PPARGC1A: variants seen among roughly 807,000 people sequenced by gnomAD.
PPARGC1A encodes the protein peroxisome proliferator-activated receptor gamma coactivator 1-alpha.
In PPARGC1A, 25 loss-of-function variants were observed where a neutral mutation model predicts 88.7. The ratio of observed to expected loss-of-function variants is 0.28; its 90% CI spans 0.21 to 0.39. PPARGC1A has a LOEUF of 0.39. PPARGC1A is among the 10% of genes least tolerant of loss of function. PPARGC1A has a pLI of 1.00. For synonymous variants in PPARGC1A, 363 were observed against 355.6 expected, an observed-to-expected ratio of 1.02 and a Z score of -0.24; for missense variants, 880 against 968.7, an observed-to-expected ratio of 0.91 and a Z score of 1.22.
intron 7 of PPARGC1A, among the ~76,000 whole-genome samples, chr4:23,823,542 C>T (rs1441422064): frequency 2.6e-5 from 4 of 152,004 alleles, no homozygotes; most frequent in Non-Finnish European, 5.9e-5. Flanking sequence ...GCCTCTACTG[C>T]ATATCATATA....
At chr4:24,429,171 G>A in the PPARGC1A span, among the ~76,000 whole-genome samples, 1 of 152,188 alleles carries the variant, frequency 6.6e-6, no homozygotes, top group Non-Finnish European at 1.5e-5. Flanking sequence ...TGAGCTGTGT[G>A]CGTGTGTACA....
chr4:24,347,507 T>A, the PPARGC1A span, among the ~76,000 whole-genome samples: 1 of 152,358 alleles, frequency 6.6e-6, no homozygotes, highest in East Asian at 1.9e-4. Context: ...CATTATATAC[T>A]GTCCCTCTTT....
At chr4:24,159,509 G>A in the PPARGC1A span, among the ~76,000 whole-genome samples, 1 of 152,106 alleles carries the variant, frequency 6.6e-6, no homozygotes, top group Admixed American at 6.6e-5. Context: ...GCGCCCGGCC[G>A]AGATTAAGTA....
chr4:23,837,759 C>T (rs1726286972), intron 2 of PPARGC1A, among the ~76,000 whole-genome samples: 2 of 152,156 alleles, frequency 1.3e-5, no homozygotes, highest in Non-Finnish European at 2.9e-5. Flanking sequence ...CTAGGCCCCA[C>T]CAGGACTTCA....
chr4:24,466,764 A>T, the PPARGC1A span, among the ~76,000 whole-genome samples: 3 of 151,356 alleles, frequency 2.0e-5, no homozygotes, highest in African/African-American at 4.9e-5. Flanking sequence ...AAATACAAAA[A>T]TTAGCCAGGC....
chr4:24,387,818 A>AAGAGAGAAAGAGAGAAAGAG, the PPARGC1A span, among the ~76,000 whole-genome samples: 1 of 81,076 alleles, frequency 1.2e-5, no homozygotes, highest in African/African-American at 4.8e-5. Context: ...GAAAGAAAGA[A>AAGAGAGAAAGAGAGAAAGAG]AGAAAGAGAG....
the PPARGC1A span, among the ~76,000 whole-genome samples, chr4:23,930,108 T>C: frequency 1.3e-5 from 2 of 152,162 alleles, no homozygotes; most frequent in East Asian, 1.9e-4. Context: ...TCATCTGAAT[T>C]TTTACCTAGA....
the PPARGC1A span, among the ~76,000 whole-genome samples, chr4:24,371,786 C>T: frequency 7.6e-6 from 1 of 132,088 alleles, no homozygotes. Context: ...ACAAAAAATA[C>T]AAAAAAAAAA....
the PPARGC1A span, among the ~76,000 whole-genome samples, chr4:24,096,076 G>A: frequency 6.6e-6 from 1 of 152,148 alleles, no homozygotes; most frequent in African/African-American, 2.4e-5. Flanking sequence ...GATCATGGAG[G>A]TGGATTTTCC....
upstream of PPARGC1A, among the ~76,000 whole-genome samples, chr4:23,890,602 C>CTTTTTTTTTTTTT (rs56855205): frequency 1.9e-5 from 2 of 103,228 alleles, no homozygotes; most frequent in African/African-American, 7.3e-5. Flanking sequence ...GCAAACGGGG[C>CTTTTTTTTTTTTT]TTTTTTTTTT....
the PPARGC1A span, among the ~76,000 whole-genome samples, chr4:24,072,315 T>C: frequency 6.6e-6 from 1 of 151,768 alleles, no homozygotes; most frequent in South Asian, 2.1e-4. Context: ...CCAATTCATA[T>C]CTGGATTGAT....
chr4:24,299,835 C>T, the PPARGC1A span, among the ~76,000 whole-genome samples: 3 of 152,048 alleles, frequency 2.0e-5, no homozygotes, highest in East Asian at 3.8e-4. Context: ...GAACCAAGGT[C>T]CAGGCTAGAA....
the PPARGC1A span, among the ~76,000 whole-genome samples, chr4:24,303,275 CT>C: frequency 5.3e-5 from 8 of 152,128 alleles, no homozygotes; most frequent in African/African-American, 1.9e-4. Context: ...AAATATGAGT[CT>C]AAATGGAGAG....
chr4:23,852,978 T>A (rs934709061), intron 2 of PPARGC1A, among the ~76,000 whole-genome samples: 27 of 152,360 alleles, frequency 1.8e-4, no homozygotes, highest in African/African-American at 6.5e-4. Flanking sequence ...CAGGATGGTC[T>A]GCATGAAATA....
At chr4:24,172,853 T>A in the PPARGC1A span, among the ~76,000 whole-genome samples, 5 of 152,220 alleles carry the variant, frequency 3.3e-5, no homozygotes, top group Admixed American at 6.5e-5. Flanking sequence ...TCAGCCCTCT[T>A]GGCGACCTAA....
rs541316470 is a variant in PPARGC1A, at chr4:23,792,180, G to T, written c.*3642C>A. ...AGGCCCGGCAAGGGCTCAACTAATC[G>T]CTCACTTTCCCTCTTCAGCATAGTT... On this transcript the variant is annotated 3_prime_UTR_variant, in exon 13 of 13. Transcript: ENST00000264867. 4 of 152,618 alleles carry T rather than the reference G, an allele frequency of 2.6e-5. No homozygotes were observed. The East Asian group carries it at 7.7e-4, about 29-fold the overall frequency. The allele number at this position is 152,618 out of a possible 1,614,324, so 9.5% of individuals were successfully genotyped here.
chr4:24,291,322 A>G, the PPARGC1A span, among the ~76,000 whole-genome samples: 2 of 152,104 alleles, frequency 1.3e-5, no homozygotes, highest in African/African-American at 4.8e-5. Context: ...CATGTCCCTC[A>G]TTTTGGTTTT....
At chr4:24,357,633 C>A in the PPARGC1A span, among the ~76,000 whole-genome samples, 1 of 152,200 alleles carries the variant, frequency 6.6e-6, no homozygotes, top group African/African-American at 2.4e-5. Flanking sequence ...CCACCCAAAT[C>A]TCATCTTGAA....
the PPARGC1A span, among the ~76,000 whole-genome samples, chr4:24,469,665 T>C: frequency 6.6e-6 from 1 of 152,176 alleles, no homozygotes; most frequent in African/African-American, 2.4e-5. Context: ...TTATCAGAAA[T>C]TCTTTCGATT....
Sources: allele counts gnomAD v4.1 joint callset (sites outside exome capture counted in the v4.1 genomes callset), GRCh38; gene constraint gnomAD v4.1.1; transcripts MANE v1.5; gene names NCBI Gene and HGNC (gene_info 2026-07-23, HGNC 2026-07-21).